KIAA0319: variants seen among roughly 807,000 people sequenced by gnomAD.
KIAA0319 encodes dyslexia-associated protein KIAA0319.
KIAA0319 carries 83 observed loss-of-function variants against 108.4 expected under a neutral mutation model. The observed-to-expected ratio is 0.77, with a 90% CI of 0.64 to 0.92. The LOEUF (loss-of-function observed/expected upper bound fraction) is 0.92. KIAA0319 is among the 40% of genes least tolerant of loss of function. The pLI, the probability that KIAA0319 is intolerant of heterozygous loss-of-function variation, is 0.00. For synonymous variants in KIAA0319, 484 were observed against 510.4 expected, an observed-to-expected ratio of 0.95 and a Z score of 0.70; for missense variants, 1,195 against 1,322.4, an observed-to-expected ratio of 0.90 and a Z score of 1.49.
At chr6:24,564,053 G>A (rs1763497120) in intron 15 of KIAA0319, 149 bp downstream of exon 15, 2 of 775,832 alleles carry the variant, frequency 2.6e-6, no homozygotes, top group Non-Finnish European at 4.1e-6. Flanking sequence ...TACACAACAA[G>A]GTGTAAGAGA....
intron 1 of KIAA0319, among the ~76,000 whole-genome samples, chr6:24,619,605 C>A (rs1773638442): frequency 6.6e-6 from 1 of 151,888 alleles, no homozygotes; most frequent in Non-Finnish European, 1.5e-5. Context: ...GTATTCAAAG[C>A]CACAAGACTG....
chr6:24,612,199 C>A (rs1326429023), intron 1 of KIAA0319, among the ~76,000 whole-genome samples: 1 of 152,172 alleles, frequency 6.6e-6, no homozygotes, highest in African/African-American at 2.4e-5. Context: ...CACCTGTCAT[C>A]CCAATACTCT....
intron 4 of KIAA0319, among the ~76,000 whole-genome samples, chr6:24,584,409 T>C (rs1022888335): frequency 2.4e-5 from 3 of 125,830 alleles, no homozygotes; most frequent in Admixed American, 9.5e-5. Flanking sequence ...GTCCAGATAC[T>C]ACACAGAGAA....
chr6:24,554,009 A>G (rs551559519), intron 19 of KIAA0319, among the ~76,000 whole-genome samples: 1 of 152,346 alleles, frequency 6.6e-6, no homozygotes, highest in East Asian at 1.9e-4. Flanking sequence ...GAGGGACCCA[A>G]TTTAGAGTCA....
At chr6:24,633,348 A>G (rs950803722) in intron 1 of KIAA0319, among the ~76,000 whole-genome samples, 7 of 152,248 alleles carry the variant, frequency 4.6e-5, no homozygotes, top group Non-Finnish European at 8.8e-5. Flanking sequence ...ACATAATCAT[A>G]AAACTGTACT....
At chr6:24,577,361 T>C (rs1462251883) in intron 9 of KIAA0319, among the ~76,000 whole-genome samples, 2 of 152,252 alleles carry the variant, frequency 1.3e-5, no homozygotes, top group African/African-American at 4.8e-5. Flanking sequence ...CTTATAATTA[T>C]GTTTTCAGGA....
intron 1 of KIAA0319, among the ~76,000 whole-genome samples, chr6:24,621,013 A>G (rs933774319): frequency 1.3e-5 from 2 of 152,188 alleles, no homozygotes; most frequent in South Asian, 2.1e-4. Context: ...AAGAAAACTG[A>G]GAAGCATACA....
At chr6:24,553,626 G>T (rs1044839858) in intron 19 of KIAA0319, among the ~76,000 whole-genome samples, 1 of 152,114 alleles carries the variant, frequency 6.6e-6, no homozygotes. Context: ...TGCCTCCTAC[G>T]AGGAGAATGG....
chr6:24,587,656 A>G (rs972005188), intron 4 of KIAA0319, among the ~76,000 whole-genome samples: 1 of 151,946 alleles, frequency 6.6e-6, no homozygotes, highest in Non-Finnish European at 1.5e-5. Context: ...GAGCGATCTC[A>G]GCTAACTGCA....
chr6:24,584,746 C>T (rs1767185173), intron 4 of KIAA0319, among the ~76,000 whole-genome samples: 1 of 152,188 alleles, frequency 6.6e-6, no homozygotes, highest in African/African-American at 2.4e-5. Context: ...AGCAATAGGT[C>T]CACCAATATT....
At chr6:24,559,265 T>C in intron 16 of KIAA0319, 110 bp from the exon 17 acceptor site, 1 of 1,244,000 alleles carries the variant, frequency 8.0e-7, no homozygotes, top group Admixed American at 2.5e-5. Flanking sequence ...CGGCTACAGC[T>C]CTGTGGCTTG....
intron 16 of KIAA0319, 141 bp from the exon 17 acceptor site, chr6:24,559,296 G>T: frequency 1.3e-6 from 1 of 798,422 alleles, no homozygotes; most frequent in Non-Finnish European, 1.9e-6. Flanking sequence ...GGGCGTATCT[G>T]TGAGCCAAGG....
At chr6:24,579,332 G>C (rs1274666263) in intron 8 of KIAA0319, among the ~76,000 whole-genome samples, 1 of 150,658 alleles carries the variant, frequency 6.6e-6, no homozygotes, top group East Asian at 1.9e-4. Context: ...TCCCTTCTAA[G>C]AGTTCTTAAA....
At chr6:24,613,442 C>T (rs1160515143) in intron 1 of KIAA0319, among the ~76,000 whole-genome samples, 1 of 151,820 alleles carries the variant, frequency 6.6e-6, no homozygotes, top group Non-Finnish European at 1.5e-5. Context: ...GCCCATGTGC[C>T]CTGGGCAGCC....
At chr6:24,570,175 G>T in intron 11 of KIAA0319, 140 bp from the exon 12 acceptor site, 1 of 760,094 alleles carries the variant, frequency 1.3e-6, no homozygotes, top group Admixed American at 2.5e-5. Context: ...GAATCCTGGA[G>T]TGAAGCACTG....
chr6:24,599,719 TG>T lies in KIAA0319; in HGVS notation c.55+1329del. ...AGCAGCACCAACTCCTTCAGGGCCA[TG>T]GTTGTGAAGAAGATCGAGATTTGTG... On this transcript the variant is annotated intron_variant, in intron 2 of 20. Transcript: ENST00000378214. The surrounding 1 kb of genome is among the most constrained non-coding windows in gnomAD (Gnocchi z 4.1). 1.7e-6 allele frequency: 1 copy of T among 577,890 alleles called. No homozygotes were observed. The highest frequency in any genetic ancestry group is 2.4e-5 in the Admixed American group (1 of 41,604). The allele number at this position is 577,890 out of a possible 1,614,324, so 35.8% of individuals were successfully genotyped here. A position where few individuals can be genotyped will look rare whatever the true frequency, so the allele number is the denominator to read the frequency against.
At chr6:24,568,081 T>C (rs1156475272) in intron 13 of KIAA0319, among the ~76,000 whole-genome samples, 1 of 152,214 alleles carries the variant, frequency 6.6e-6, no homozygotes, top group African/African-American at 2.4e-5. Context: ...CCCCTAAGCA[T>C]GGCCCGTGGC....
intron 1 of KIAA0319, among the ~76,000 whole-genome samples, chr6:24,622,257 A>G (rs920966938): frequency 2.7e-5 from 4 of 150,620 alleles, no homozygotes; most frequent in African/African-American, 9.8e-5. Context: ...TATCCTGATC[A>G]GTGGAGCCCC....
At chr6:24,595,833 C>A (rs1384754893) in intron 3 of KIAA0319, 40 bp downstream of exon 3, 13 of 1,551,338 alleles carry the variant, frequency 8.4e-6, no homozygotes, top group Middle Eastern at 1.8e-4. Context: ...CTGCCCCACT[C>A]AGCCCATCCC....
Sources: allele counts gnomAD v4.1 joint callset (sites outside exome capture counted in the v4.1 genomes callset), GRCh38; gene constraint gnomAD v4.1.1; non-coding constraint Gnocchi (gnomAD v3.1); transcripts MANE v1.5; gene names NCBI Gene and HGNC (gene_info 2026-07-23, HGNC 2026-07-21).